Variants in PIP5K1A observed in about 807,000 individuals in gnomAD.
PIP5K1A encodes the protein phosphatidylinositol 4-phosphate 5-kinase type-1 alpha.
PIP5K1A carries 46 observed loss-of-function variants against 72.9 expected under a neutral mutation model. That is an observed-to-expected ratio of 0.63 (90% confidence interval 0.50 to 0.81). The LOEUF (loss-of-function observed/expected upper bound fraction) is 0.81. PIP5K1A is among the 30% of genes least tolerant of loss of function. PIP5K1A has a pLI of 0.00. For synonymous variants in PIP5K1A, 228 were observed against 255.1 expected (o/e 0.89, Z 1.01); for missense variants, 458 against 706.1 (o/e 0.65, Z 3.98).
chr1:151,200,722 A>AT (rs1415921037), intron 1 of PIP5K1A, among the ~76,000 whole-genome samples: 1 of 151,938 alleles, frequency 6.6e-6, no homozygotes, highest in African/African-American at 2.4e-5. Context: ...TTGAGAGGGG[A>AT]TTTTTTACCT....
intron 8 of PIP5K1A, 21 bp downstream of exon 8, chr1:151,234,517 TC>T (rs1558286791): frequency 6.3e-7 from 1 of 1,599,500 alleles, no homozygotes; most frequent in Non-Finnish European, 8.6e-7. Flanking sequence ...TACTTAGACA[TC>T]AAAAATCTCA....
At chr1:151,243,688 T>A (rs1692084982) in intron 14 of PIP5K1A, among the ~76,000 whole-genome samples, 1 of 152,210 alleles carries the variant, frequency 6.6e-6, no homozygotes, top group Non-Finnish European at 1.5e-5. Context: ...AGTTCTTTTC[T>A]CAGGCTGCTT....
intron 11 of PIP5K1A, 77 bp downstream of exon 11, chr1:151,239,255 A>AT (rs1553302662): frequency 2.1e-6 from 2 of 939,712 alleles, no homozygotes; most frequent in Admixed American, 2.4e-5. Context: ...GTTTCTTGCA[A>AT]TTTTTTCTTT....
chr1:151,205,659 G>T (rs926765132), intron 1 of PIP5K1A, among the ~76,000 whole-genome samples: 1 of 151,992 alleles, frequency 6.6e-6, no homozygotes, highest in African/African-American at 2.4e-5. Flanking sequence ...TTAGTCAGAC[G>T]TGGTGGCGTG....
chr1:151,248,085 C>T lies in PIP5K1A; in HGVS notation c.*220C>T. The T allele has an allele frequency of 1.8e-6, 1 of 547,548 alleles. No individual in the cohort carries two copies. The highest frequency in any genetic ancestry group is 3.3e-6 in the Non-Finnish European group (1 of 307,686). 33.9% of individuals were successfully genotyped at this position (547,548 alleles called of 1,614,324 possible). ...CCTTAGTGCCTCAGAGAGTTGAGGA[C>T]CGCAGCATCCCCTCCACTCCAGAGT... On this transcript the variant is annotated 3_prime_UTR_variant, in exon 16 of 16. Transcript: ENST00000368888.
chr1:151,198,821 G>T lies in PIP5K1A; in HGVS notation c.-176G>T. On this transcript the variant is annotated 5_prime_UTR_variant, in exon 1 of 16. Transcript: ENST00000368888. ...TTCCCCATGCCAGGCGAATGGTGTG[G>T]CCTTGAGCTGGTCCAGGAGCCGGCT... 1 of 687,062 alleles carries T rather than the reference G, an allele frequency of 1.5e-6. No individual in the cohort carries two copies. Among genetic ancestry groups the T allele is most frequent in the East Asian group, 2.5e-5 (1 of 40,668 alleles). The allele number at this position is 687,062 out of a possible 1,614,324, so 42.6% of individuals were successfully genotyped here.
In PIP5K1A at chr1:151,242,164, TTC is replaced by T; in HGVS notation, c.1410_1411del (p.Arg471AlafsTer40). On this transcript the variant is annotated frameshift_variant, in exon 13 of 16. Coordinates refer to ENST00000368888, the MANE Select transcript of PIP5K1A (RefSeq NM_001135638.2). LOFTEE classifies it high-confidence loss of function. ...CAAAAAGTTTCGGTCTGGCTCATCTTTCTCTCGGCGAGCAGGCTCCAGTGGCA... is the reference window on the plus strand; with the variant it reads ...CAAAAAGTTTCGGTCTGGCTCATCTTTCTCGGCGAGCAGGCTCCAGTGGCA... ...PSKKFRSGSSFSRRAGSSGNS... is the reference protein window; with the variant it reads ...PSKKFRSGSSXSRRAGSSGNS... 1 of 1,614,174 alleles carries T rather than the reference TTC, an allele frequency of 6.2e-7. No homozygotes were observed. Among genetic ancestry groups the T allele is most frequent in the Non-Finnish European group, 8.5e-7 (1 of 1,180,022 alleles).
rs1432934215 is a variant in PIP5K1A at position 151,240,047 on chromosome 1, G to T, written c.1363+8G>T. ...TATTTAAGAAGATTCCCTGTAAGTG[G>T]TTTCTACCAATTGACTGCCTACTCC... On this transcript the variant is annotated splice_region_variant and intron_variant, in intron 12 of 15. Coordinates refer to ENST00000368888, the MANE Select transcript of PIP5K1A (RefSeq NM_001135638.2). 7 of 1,603,022 alleles carry T rather than the reference G, an allele frequency of 4.4e-6. No homozygotes were observed. The African/African-American group carries it at 6.7e-5, about 15-fold the overall frequency.
At chr1:151,220,473 C>CT (rs879399637) in intron 1 of PIP5K1A, among the ~76,000 whole-genome samples, 26 of 143,630 alleles carry the variant, frequency 1.8e-4, no homozygotes, top group South Asian at 2.2e-4. Context: ...TACCACCTAG[C>CT]TTTTTTTTTT....
At chr1:151,237,470 G>C (rs1558292219) in intron 9 of PIP5K1A, among the ~76,000 whole-genome samples, 1 of 152,116 alleles carries the variant, frequency 6.6e-6, no homozygotes, top group African/African-American at 2.4e-5. Context: ...AGATCAGCCT[G>C]AGCATCATGA....
chr1:151,232,115 G>A (rs1690168633), intron 5 of PIP5K1A, 133 bp from the exon 6 acceptor site: 4 of 707,726 alleles, frequency 5.7e-6, no homozygotes, highest in Non-Finnish European at 7.6e-6. Context: ...ATCTAAGAAG[G>A]GCTGTGATTA....
chr1:151,223,866 G>A (rs1432231013), intron 1 of PIP5K1A: 3 of 196,050 alleles, frequency 1.5e-5, no homozygotes, highest in African/African-American at 7.1e-5. Flanking sequence ...GGAGGCGCCT[G>A]TAATCCCTGC....
chr1:151,239,900 C>A, intron 11 of PIP5K1A, 55 bp from the exon 12 acceptor site: 2 of 1,242,962 alleles, frequency 1.6e-6, no homozygotes, highest in Non-Finnish European at 2.3e-6. Context: ...GGCCCTTGGA[C>A]TAGAGTTCCT....
Position 151,230,833 on chromosome 1 carries a change from C to T in PIP5K1A, c.238-838C>T, listed in dbSNP as rs182252854. ...TGGATTAGAGGCGTGAGCCTCCGCC[C>T]GCGCCCACCCCACCCTGTTGGCCTT... On this transcript the variant is annotated intron_variant, in intron 4 of 15. Transcript: ENST00000368888. Among the ~76,000 whole-genome samples the T allele has an allele frequency of 1.6e-3, 242 of 152,354 alleles. 1 individual carries two copies. Among genetic ancestry groups the T allele is most frequent in the African/African-American group, 5.4e-3 (226 of 41,580 alleles).
chr1:151,246,006 G>C (rs928487325), intron 14 of PIP5K1A, among the ~76,000 whole-genome samples: 2 of 152,096 alleles, frequency 1.3e-5, no homozygotes, highest in African/African-American at 4.8e-5. Flanking sequence ...TGGCACTTTG[G>C]GAGGCCGAGG....
chr1:151,217,029 T>A (rs978641582), intron 1 of PIP5K1A, among the ~76,000 whole-genome samples: 11 of 151,030 alleles, frequency 7.3e-5, no homozygotes, highest in Non-Finnish European at 1.6e-4. Flanking sequence ...TCTCGTGCCT[T>A]AGCCTCCAGA....
rs1692049233 is a variant in PIP5K1A, at chr1:151,243,374, T to A, written c.1640+807T>A. On this transcript the variant is annotated intron_variant, in intron 14 of 15. Coordinates refer to ENST00000368888, the MANE Select transcript of PIP5K1A (RefSeq NM_001135638.2). ...GCTCCTCAAGTACAGTTCTTCTCAA[T>A]CTGTGAACTTGTGGAACCAAAGAGA... Among the ~76,000 whole-genome samples the A allele has an allele frequency of 2.0e-5, 3 of 152,182 alleles. No homozygotes were observed. In the South Asian group the frequency reaches 6.2e-4, roughly 31 times the overall value.
chr1:151,239,366 A>G (rs1191600305), intron 11 of PIP5K1A, among the ~76,000 whole-genome samples, 188 bp downstream of exon 11: 1 of 149,940 alleles, frequency 6.7e-6, no homozygotes. Flanking sequence ...TCCGTCTCGC[A>G]GTTTCAAGTG....
chr1:151,225,285 G>A (rs1007989441), intron 3 of PIP5K1A, among the ~76,000 whole-genome samples: 1 of 152,074 alleles, frequency 6.6e-6, no homozygotes, highest in African/African-American at 2.4e-5. Flanking sequence ...CCTCTAGCCT[G>A]GGTGACAGAG....
Sources: allele counts gnomAD v4.1 joint callset (sites outside exome capture counted in the v4.1 genomes callset), GRCh38; gene constraint gnomAD v4.1.1; transcripts MANE v1.5; gene names NCBI Gene and HGNC (gene_info 2026-07-23, HGNC 2026-07-21).